The following XYLB variants were observed in gnomAD, a reference collection of about 807,000 sequenced individuals.
XYLB encodes xylulokinase, also known as xylulose kinase.
Under a neutral mutation model 78.7 loss-of-function variants are expected in XYLB, and 62 were observed. The observed-to-expected ratio is 0.79, with a 90% CI of 0.64 to 0.97. The LOEUF (loss-of-function observed/expected upper bound fraction) is 0.97, where lower values mean the gene tolerates loss of function less well. Among genes scored for constraint, XYLB ranks in the 50% least tolerant of loss-of-function variants. The pLI, the probability that XYLB is intolerant of heterozygous loss-of-function variation, is 0.00. For synonymous variants in XYLB, 245 were observed against 247.4 expected (o/e 0.99, Z 0.09); for missense variants, 687 against 676.8 (o/e 1.02, Z -0.17).
chr3:38,356,397 C>T (rs1705657504), intron 2 of XYLB: 1 of 152,220 alleles, frequency 6.6e-6, no homozygotes. Context: ...AATCTTAGAA[C>T]ATTTTCACCA....
chr3:38,368,034 A>G lies in XYLB; in HGVS notation c.574-151A>G, dbSNP rs200878286. ...ATGGTATTCCAGCTGCTCCTATCTGAGATGCACAGTCTCCACCATTACTTG... is the reference window on the plus strand; with the variant it reads ...ATGGTATTCCAGCTGCTCCTATCTGGGATGCACAGTCTCCACCATTACTTG... On this transcript the variant is annotated intron_variant, in intron 7 of 18. Transcript: ENST00000207870. 8.6e-5 allele frequency: 60 copies of G among 694,306 alleles called. No individual in the cohort carries two copies. The East Asian group carries it at 1.5e-3, about 17-fold the overall frequency. The allele number at this position is 694,306 out of a possible 1,614,324, so 43.0% of individuals were successfully genotyped here. A position where few individuals can be genotyped will look rare whatever the true frequency, so the allele number is the denominator to read the frequency against.
chr3:38,423,815 A>T (rs970203812), downstream of XYLB, among the ~76,000 whole-genome samples: 2 of 152,178 alleles, frequency 1.3e-5, no homozygotes, highest in Non-Finnish European at 2.9e-5. Flanking sequence ...GCAAAACTCG[A>T]TTTCTCATGC....
chr3:38,373,429 A>AAGACCC (rs1706679230), intron 10 of XYLB, among the ~76,000 whole-genome samples: 1 of 152,222 alleles, frequency 6.6e-6, no homozygotes, highest in African/African-American at 2.4e-5. Context: ...AGAAAGATTA[A>AAGACCC]TTTCTGTCCT....
chr3:38,444,673 C>A, the XYLB span, among the ~76,000 whole-genome samples: 1 of 152,264 alleles, frequency 6.6e-6, no homozygotes, highest in Admixed American at 6.5e-5. Flanking sequence ...ACCTCTTTAT[C>A]AGGGTTTGCG....
chr3:38,417,286 G>A (rs919312427), downstream of XYLB, among the ~76,000 whole-genome samples: 1 of 151,802 alleles, frequency 6.6e-6, no homozygotes, highest in African/African-American at 2.4e-5. Context: ...AATTAGCCAG[G>A]CATGGTGGCA....
chr3:38,365,920 T>C (rs1191260228), intron 6 of XYLB, among the ~76,000 whole-genome samples, 184 bp downstream of exon 6: 2 of 152,196 alleles, frequency 1.3e-5, no homozygotes, highest in South Asian at 4.2e-4. Flanking sequence ...CAGGCCAGGC[T>C]GGGTGTGCAC....
the XYLB span, among the ~76,000 whole-genome samples, chr3:38,442,555 A>G: frequency 6.6e-6 from 1 of 152,150 alleles, no homozygotes; most frequent in East Asian, 1.9e-4. Flanking sequence ...AGAACCATGA[A>G]CCATTCTGCT....
At chr3:38,351,638 TG>T (rs1181444823) in intron 2 of XYLB, among the ~76,000 whole-genome samples, 1 of 152,200 alleles carries the variant, frequency 6.6e-6, no homozygotes, top group Non-Finnish European at 1.5e-5. Context: ...AGTATTTCCA[TG>T]TCCTAAAAAT....
chr3:38,416,689 T>C (rs919735018), downstream of XYLB, among the ~76,000 whole-genome samples: 1 of 151,824 alleles, frequency 6.6e-6, no homozygotes, highest in African/African-American at 2.4e-5. Context: ...TATCCATATC[T>C]GAAAAGGTAG....
intron 3 of XYLB, 41 bp downstream of exon 3, chr3:38,360,449 G>A: frequency 6.6e-7 from 1 of 1,516,656 alleles, no homozygotes; most frequent in Non-Finnish European, 8.9e-7. Context: ...TCCCCAGGCT[G>A]TCTCACTGGC....
Position 38,413,271 on chromosome 3 carries a change from C to A in XYLB, c.*258C>A. The A allele has an allele frequency of 2.4e-6, 1 of 412,160 alleles. No homozygotes were observed. Among genetic ancestry groups the A allele is most frequent in the Non-Finnish European group, 4.2e-6 (1 of 236,090 alleles). The allele number at this position is 412,160 out of a possible 1,614,324, so 25.5% of individuals were successfully genotyped here. A position where few individuals can be genotyped will look rare whatever the true frequency, so the allele number is the denominator to read the frequency against. On this transcript the variant is annotated 3_prime_UTR_variant, in exon 19 of 19. Transcript: ENST00000207870. ...CTGTCTTTTATCCCAGGAGGCAGGA[C>A]AACACTGAGACTGGGATATGTCCAA...
At position 38,412,948 on chromosome 3, in the gene XYLB, C is replaced by T. The variant is rs775403041; in HGVS notation, c.1546C>T (p.Leu516Phe). 18 of 1,602,312 alleles carry T rather than the reference C, an allele frequency of 1.1e-5. No individual in the cohort carries two copies. The East Asian group carries it at 3.7e-4, about 33-fold the overall frequency. The change falls in exon 19 of 19, where the codon CTT (leucine) becomes TTT (phenylalanine). Residue 516 changes from leucine (L) to phenylalanine (F), a missense_variant. Coordinates refer to ENST00000207870, the MANE Select transcript of XYLB (RefSeq NM_005108.4). ...TCTGCCCTTCTAGGTCTACGAGGCCCTTCTCCCCCAGTATGCCAAACTCGA... is the reference window on the plus strand; with the variant it reads ...TCTGCCCTTCTAGGTCTACGAGGCCTTTCTCCCCCAGTATGCCAAACTCGA... ...SPGASQVYEALLPQYAKLEQR... is the reference protein window; with the variant it reads ...SPGASQVYEAFLPQYAKLEQR...
chr3:38,446,113 A>C, the XYLB span, among the ~76,000 whole-genome samples: 5 of 152,320 alleles, frequency 3.3e-5, no homozygotes, highest in African/African-American at 1.2e-4. Context: ...AAGGAGACCC[A>C]AGTGGGTTGC....
the XYLB span, among the ~76,000 whole-genome samples, chr3:38,437,099 C>T: frequency 6.6e-6 from 1 of 150,782 alleles, no homozygotes; most frequent in Non-Finnish European, 1.5e-5. Context: ...AAAAGGGGTG[C>T]AAGGATGGTT....
chr3:38,435,080 G>A, the XYLB span, among the ~76,000 whole-genome samples: 6 of 150,092 alleles, frequency 4.0e-5, no homozygotes, highest in African/African-American at 9.8e-5. Context: ...AGATTGCAGT[G>A]AGCCGAGATC....
intron 4 of XYLB, 78 bp downstream of exon 4, chr3:38,363,095 A>C (rs778782255): frequency 4.1e-4 from 499 of 1,213,492 alleles, no homozygotes; most frequent in Non-Finnish European, 5.2e-4. Context: ...AGAGATGGCA[A>C]CCCTTGGATG....
At chr3:38,395,671 T>G in intron 16 of XYLB, 108 bp downstream of exon 16, 3 of 1,201,536 alleles carry the variant, frequency 2.5e-6, no homozygotes, top group South Asian at 1.3e-5. Context: ...CCTGCAGGAA[T>G]GGGGAGCTCT....
intron 2 of XYLB, among the ~76,000 whole-genome samples, chr3:38,357,467 A>G (rs547468110): frequency 6.6e-6 from 1 of 151,722 alleles, no homozygotes; most frequent in East Asian, 1.9e-4. Context: ...GCTCACTGCA[A>G]GCTCCACCTC....
intron 18 of XYLB, among the ~76,000 whole-genome samples, chr3:38,402,591 T>C (rs183222171): frequency 6.6e-6 from 1 of 152,364 alleles, no homozygotes; most frequent in African/African-American, 2.4e-5. Flanking sequence ...CTGATTCTTA[T>C]TCTGCTTCTC....
Sources: allele counts gnomAD v4.1 joint callset (sites outside exome capture counted in the v4.1 genomes callset), GRCh38; gene constraint gnomAD v4.1.1; transcripts MANE v1.5; gene names NCBI Gene and HGNC (gene_info 2026-07-23, HGNC 2026-07-21).